ROCK2: variants seen among roughly 807,000 people sequenced by gnomAD.
ROCK2 encodes the protein rho-associated protein kinase 2.
A neutral mutation model predicts 195.1 loss-of-function variants in ROCK2; 61 were observed. The observed-to-expected ratio is 0.31, with a 90% CI of 0.25 to 0.39. The LOEUF (loss-of-function observed/expected upper bound fraction) is 0.39. Ranked by LOEUF, ROCK2 falls within the 10% of genes least tolerant of loss-of-function variation. ROCK2 has a pLI of 1.00. For synonymous variants in ROCK2, 504 were observed against 545.5 expected, an observed-to-expected ratio of 0.92 and a Z score of 1.06; for missense variants, 1,109 against 1,637.4, an observed-to-expected ratio of 0.68 and a Z score of 5.57.
chr2:11,300,401 T>C (rs1488420591), intron 1 of ROCK2, among the ~76,000 whole-genome samples: 1 of 152,132 alleles, frequency 6.6e-6, no homozygotes, highest in Non-Finnish European at 1.5e-5. Context: ...CTAGCTGGGA[T>C]TACAGGCACC....
chr2:11,308,834 G>T, intron 1 of ROCK2: 1 of 1,611,540 alleles, frequency 6.2e-7, no homozygotes, highest in South Asian at 1.1e-5. Context: ...TGGGCCAAAT[G>T]TAATAGAACT....
At chr2:11,273,211 C>T (rs1666708334) in intron 3 of ROCK2, among the ~76,000 whole-genome samples, 1 of 148,888 alleles carries the variant, frequency 6.7e-6, no homozygotes, top group Non-Finnish European at 1.5e-5. Flanking sequence ...ACTCTCCAAT[C>T]AAAAGACAGA....
chr2:11,334,887 G>A (rs957140122), intron 1 of ROCK2, among the ~76,000 whole-genome samples: 3 of 141,282 alleles, frequency 2.1e-5, no homozygotes, highest in East Asian at 1.9e-4. Flanking sequence ...AATCTGAGGT[G>A]AAACTCTTTT....
intron 1 of ROCK2, among the ~76,000 whole-genome samples, chr2:11,312,031 G>A (rs771146474): frequency 4.6e-5 from 7 of 152,068 alleles, no homozygotes; most frequent in Non-Finnish European, 8.8e-5. Context: ...GAATCCAGCC[G>A]TCGTTTCATA....
chr2:11,258,211 C>T (rs1191406864), intron 3 of ROCK2, among the ~76,000 whole-genome samples: 8 of 151,424 alleles, frequency 5.3e-5, no homozygotes, highest in African/African-American at 1.5e-4. Context: ...AATATAATGA[C>T]GACATGGTGA....
intron 5 of ROCK2, among the ~76,000 whole-genome samples, chr2:11,232,231 C>T (rs779647139): frequency 4.6e-5 from 7 of 151,922 alleles, no homozygotes; most frequent in Non-Finnish European, 8.8e-5. Context: ...TGGGTTCAAG[C>T]AATTCTCATG....
rs1211186794 is a variant in ROCK2 at position 11,182,308 on chromosome 2, A to G, written c.*1129T>C. The G allele has an allele frequency of 6.6e-6, 1 of 152,202 alleles. No individual in the cohort carries two copies. The highest frequency in any genetic ancestry group is 1.5e-5 in the Non-Finnish European group (1 of 68,038). 9.4% of individuals were successfully genotyped at this position (152,202 alleles called of 1,614,324 possible). The stretch of plus-strand genomic sequence containing the variant: ...TGTCTTAGTTTTCTTTATATTTGGG[A>G]AAAATTTTGAATCTTAAGTGTGAAA... On this transcript the variant is annotated 3_prime_UTR_variant, in exon 33 of 33. Coordinates refer to ENST00000315872, the MANE Select transcript of ROCK2 (RefSeq NM_004850.5).
At chr2:11,184,999 G>C (rs1663140186) in intron 32 of ROCK2, among the ~76,000 whole-genome samples, 1 of 152,136 alleles carries the variant, frequency 6.6e-6, no homozygotes, top group South Asian at 2.1e-4. Flanking sequence ...TTTGAAGACA[G>C]CGATCATATT....
At chr2:11,273,721 T>A (rs908201294) in intron 3 of ROCK2, among the ~76,000 whole-genome samples, 5 of 152,066 alleles carry the variant, frequency 3.3e-5, no homozygotes, top group African/African-American at 1.2e-4. Context: ...AAACAGATCA[T>A]ATGTCAGGCC....
chr2:11,230,855 G>GA (rs970177655), intron 5 of ROCK2, among the ~76,000 whole-genome samples: 9 of 151,584 alleles, frequency 5.9e-5, no homozygotes, highest in Middle Eastern at 3.4e-3. Flanking sequence ...TATAAAGGTG[G>GA]AAAAAAAACT....
intron 23 of ROCK2, among the ~76,000 whole-genome samples, chr2:11,200,716 A>C (rs1663821117): frequency 6.6e-6 from 1 of 151,932 alleles, no homozygotes. Flanking sequence ...TTCTGTTTAA[A>C]AAGAAAAAAA....
intron 1 of ROCK2, among the ~76,000 whole-genome samples, chr2:11,310,998 T>TC (rs1315858999): frequency 4.0e-5 from 6 of 151,562 alleles, no homozygotes; most frequent in African/African-American, 1.5e-4. Context: ...ATCCTAGATT[T>TC]CACCAGTAAT....
Position 11,192,127 on chromosome 2 carries a change from TACC to T in ROCK2, c.4163+18_4163+20del, listed in dbSNP as rs770411219. 4.0e-6 allele frequency: 6 copies of T among 1,495,768 alleles called. No individual in the cohort carries two copies. The highest frequency in any genetic ancestry group is 5.4e-6 in the Non-Finnish European group (6 of 1,102,386). The allele number at this position is 1,495,768 out of a possible 1,614,324, so 92.7% of individuals were successfully genotyped here. A position where few individuals can be genotyped will look rare whatever the true frequency, so the allele number is the denominator to read the frequency against. On this transcript the variant is annotated intron_variant, in intron 32 of 32. Coordinates refer to ENST00000315872, the MANE Select transcript of ROCK2 (RefSeq NM_004850.5). This position sits in a 1 kb window ranked among gnomAD's most constrained non-coding sequence, Gnocchi z 5.0. ...TTTTAATAGACTTTTTTTTTTTCCTTACCACATTTTAGTTTATTACCTAGGTTT... is the reference window on the plus strand; with the variant it reads ...TTTTAATAGACTTTTTTTTTTTCCTTACATTTTAGTTTATTACCTAGGTTT...
intron 1 of ROCK2, among the ~76,000 whole-genome samples, chr2:11,318,078 T>C (rs532624715): frequency 6.6e-6 from 1 of 152,272 alleles, no homozygotes; most frequent in Admixed American, 6.5e-5. Context: ...AACATACGTG[T>C]GCATGTGTCT....
intron 5 of ROCK2, among the ~76,000 whole-genome samples, chr2:11,228,607 A>T (rs1044629116): frequency 1.3e-5 from 2 of 152,210 alleles, no homozygotes; most frequent in Non-Finnish European, 2.9e-5. Context: ...ATTAATTTTT[A>T]TCATGGACTG....
At chr2:11,205,288 C>T (rs1358598278) in intron 20 of ROCK2, among the ~76,000 whole-genome samples, 1 of 152,082 alleles carries the variant, frequency 6.6e-6, no homozygotes, top group Non-Finnish European at 1.5e-5. Context: ...TACTCCAGGC[C>T]TTATTTGCTC....
At position 11,179,820 on chromosome 2, in the gene ROCK2, TAC is replaced by T. The variant is rs1662901884; in HGVS notation, c.*3615_*3616del. On this transcript the variant is annotated 3_prime_UTR_variant, in exon 33 of 33. Coordinates refer to ENST00000315872, the MANE Select transcript of ROCK2 (RefSeq NM_004850.5). Reference sequence around the variant, plus strand: ...TTTTTATAAAAAAGCAGGCATAAAATACAATTACATTACTACGAAGATGCAAC... The same window carrying T: ...TTTTTATAAAAAAGCAGGCATAAAATAATTACATTACTACGAAGATGCAAC... 6.6e-6 allele frequency: 1 copy of T among 152,148 alleles called. No homozygotes were observed. Among genetic ancestry groups the T allele is most frequent in the Non-Finnish European group, 1.5e-5 (1 of 68,020 alleles). The allele number at this position is 152,148 out of a possible 1,614,324, so 9.4% of individuals were successfully genotyped here.
intron 32 of ROCK2, among the ~76,000 whole-genome samples, chr2:11,191,751 A>T (rs1572220992): frequency 6.6e-6 from 1 of 152,220 alleles, no homozygotes; most frequent in African/African-American, 2.4e-5. Context: ...AAGTATAACA[A>T]AACCATTTTC....
At chr2:11,278,881 T>C (rs921035660) in intron 3 of ROCK2, among the ~76,000 whole-genome samples, 3 of 152,172 alleles carry the variant, frequency 2.0e-5, no homozygotes, top group Admixed American at 6.5e-5. Flanking sequence ...CTCAAAGTGC[T>C]GAGATTATAG....
Sources: allele counts gnomAD v4.1 joint callset (sites outside exome capture counted in the v4.1 genomes callset), GRCh38; gene constraint gnomAD v4.1.1; non-coding constraint Gnocchi (gnomAD v3.1); transcripts MANE v1.5; gene names NCBI Gene and HGNC (gene_info 2026-07-23, HGNC 2026-07-21).